The following TSGA13 variants were observed in gnomAD, a reference collection of about 807,000 sequenced individuals.
The protein encoded by TSGA13 is testis-specific gene 13 protein.
A neutral mutation model predicts 35.1 loss-of-function variants in TSGA13; 37 were observed. The ratio of observed to expected loss-of-function variants is 1.05; its 90% CI spans 0.81 to 1.39. The LOEUF is 1.39. Ranked by LOEUF, TSGA13 falls within the 40% of genes most tolerant of loss-of-function variation. The probability of loss-of-function intolerance (pLI) is 0.00; values close to 1 mark genes in which losing one functional copy is unlikely to be tolerated. For missense variants in TSGA13, 338 were observed against 328.5 expected (o/e 1.03, Z -0.22); for synonymous variants, 124 against 121.2 (o/e 1.02, Z -0.15).
In TSGA13 at chr7:130,668,684, A is replaced by G. The variant is rs782172247; in HGVS notation, c.*330T>C. On this transcript the variant is annotated 3_prime_UTR_variant, in exon 8 of 8. Coordinates refer to ENST00000356588, the MANE Select transcript of TSGA13 (RefSeq NM_052933.4). The stretch of plus-strand genomic sequence containing the variant: ...TTTTAATCATCTTGGACGACTTCCC[A>G]GCGCCCAGACCCACCGCAACCGTCC... The G allele has an allele frequency of 8.9e-5, 137 of 1,532,430 alleles. No homozygotes were observed. The highest frequency in any genetic ancestry group is 1.1e-4 in the Non-Finnish European group (126 of 1,141,180). The allele number at this position is 1,532,430 out of a possible 1,614,324, so 94.9% of individuals were successfully genotyped here.
Position 130,680,849 on chromosome 7 carries a change from G to A in TSGA13, c.174+97C>T, listed in dbSNP as rs549360685. 2.7e-6 allele frequency: 3 copies of A among 1,099,998 alleles called. No individual in the cohort carries two copies. In the South Asian group the frequency reaches 4.2e-5, roughly 15 times the overall value. The allele number at this position is 1,099,998 out of a possible 1,614,324, so 68.1% of individuals were successfully genotyped here. On this transcript the variant is annotated intron_variant, in intron 4 of 7. Transcript: ENST00000356588. ...AGAGTACGCACAGTCACAGAAGCTGGGGACACTTGGAGGCATTAGGGACAC... is the reference window on the plus strand; with the variant it reads ...AGAGTACGCACAGTCACAGAAGCTGAGGACACTTGGAGGCATTAGGGACAC...
intron 6 of TSGA13, 134 bp downstream of exon 6, chr7:130,672,600 A>C: frequency 8.3e-7 from 1 of 1,197,646 alleles, no homozygotes; most frequent in South Asian, 1.6e-5. Flanking sequence ...GGTTAGGGTC[A>C]TGTAGGGAAA....
chr7:130,672,799 C>T lies in TSGA13; in HGVS notation c.465G>A (p.Lys155=). ...RMPQKKKLRS[K]LKPIFPLILS... ...GTATCAAAGGGAAGATTGGTTTCAG[C>T]TTAGATCTTAACTTTTTTTTCTGAG... The change falls in exon 6 of 8, where the codon AAG becomes AAA. Residue 155 remains lysine, a synonymous_variant. Coordinates refer to ENST00000356588, the MANE Select transcript of TSGA13 (RefSeq NM_052933.4). 6.2e-7 allele frequency: 1 copy of T among 1,613,840 alleles called. No individual in the cohort carries two copies. The highest frequency in any genetic ancestry group is 8.5e-7 in the Non-Finnish European group (1 of 1,179,746).
chr7:130,679,437 C>T (rs1310167169), intron 4 of TSGA13, 70 bp from the exon 5 acceptor site: 7 of 1,365,128 alleles, frequency 5.1e-6, no homozygotes, highest in Non-Finnish European at 7.1e-6. Context: ...AATCGGTTGG[C>T]TGATACTTAG....
intron 5 of TSGA13, among the ~76,000 whole-genome samples, chr7:130,673,579 G>T (rs1796335183): frequency 6.6e-6 from 1 of 152,082 alleles, no homozygotes; most frequent in African/African-American, 2.4e-5. Context: ...CATTTTGAAG[G>T]AATTCATCAC....
Position 130,685,327 on chromosome 7 carries a change from G to T in TSGA13, c.-117C>A. The T allele has an allele frequency of 1.3e-6, 2 of 1,575,956 alleles. No individual in the cohort carries two copies. Among genetic ancestry groups the T allele is most frequent in the East Asian group, 2.3e-5 (1 of 43,822 alleles). On this transcript the variant is annotated 5_prime_UTR_variant, in exon 2 of 8. Transcript: ENST00000356588. ...ATTCAATCCAAATATTCTTTCCTTA[G>T]CACACAGTGTGTACTCATGCCCCAT...
At chr7:130,677,430 T>C (rs570467487) in intron 5 of TSGA13, among the ~76,000 whole-genome samples, 3 of 150,620 alleles carry the variant, frequency 2.0e-5, no homozygotes, top group African/African-American at 7.4e-5. Context: ...ATTTGCTTTT[T>C]CTTTTTTTTT....
Position 130,672,809 on chromosome 7 carries a change from A to C in TSGA13, c.455T>G (p.Leu152Ter), listed in dbSNP as rs143804038. The C allele has an allele frequency of 1.9e-6, 3 of 1,613,902 alleles. No individual in the cohort carries two copies. The African/African-American group carries it at 4.0e-5, about 22-fold the overall frequency. ...WLPRMPQKKK[L>*]RSKLKPIFPL... ...GAAGATTGGTTTCAGCTTAGATCTT[A>C]ACTTTTTTTTCTGAGGCATGCGGGG... The change falls in exon 6 of 8, where the codon TTA (leucine) becomes TGA (stop). Residue 152 changes from leucine to a stop codon, truncating the protein, a stop_gained. Transcript: ENST00000356588. LOFTEE classifies it high-confidence loss of function.
chr7:130,671,850 A>G, intron 6 of TSGA13, 62 bp from the exon 7 acceptor site: 1 of 1,142,130 alleles, frequency 8.8e-7, no homozygotes, highest in Non-Finnish European at 1.1e-6. Flanking sequence ...GGAACTATTC[A>G]CTTTATTTTA....
chr7:130,670,747 A>T (rs1480774949), intron 7 of TSGA13, among the ~76,000 whole-genome samples: 1 of 152,040 alleles, frequency 6.6e-6, no homozygotes, highest in Non-Finnish European at 1.5e-5. Context: ...AAGCCCCCCA[A>T]GTAGCTCAGA....
intron 5 of TSGA13, among the ~76,000 whole-genome samples, chr7:130,673,611 T>C (rs1554463694): frequency 6.6e-6 from 1 of 152,238 alleles, no homozygotes; most frequent in Non-Finnish European, 1.5e-5. Flanking sequence ...GCTCTGTCTC[T>C]TCCAGGCTAA....
Position 130,669,102 on chromosome 7 carries a change from A to G in TSGA13, c.740T>C (p.Met247Thr), listed in dbSNP as rs1554462401. The change falls in exon 8 of 8, where the codon ATG becomes ACG. Residue 247 changes from methionine (M) to threonine (T), a missense_variant. Physicochemically the swap from Met to Thr is moderately conservative, Grantham distance 81. Coordinates refer to ENST00000356588, the MANE Select transcript of TSGA13 (RefSeq NM_052933.4). ...CTCCCCGGGCGCGGTTCTGGTGGGC[A>G]TGTCTTCCAAGAGCGATGCGAGTGT... ...PLTLASLLED[M>T]PTRTAPGESA... is the part of the protein sequence containing the mutation. The G allele has an allele frequency of 5.6e-6, 9 of 1,614,206 alleles. No homozygotes were observed. The highest frequency in any genetic ancestry group is 2.5e-6 in the Non-Finnish European group (3 of 1,180,024).
chr7:130,679,432 G>A (rs1554464744), intron 4 of TSGA13, 65 bp from the exon 5 acceptor site: 9 of 1,413,524 alleles, frequency 6.4e-6, no homozygotes, highest in Non-Finnish European at 8.7e-6. Flanking sequence ...TAACAAATCG[G>A]TTGGCTGATA....
chr7:130,678,420 C>T (rs573370894), intron 5 of TSGA13, among the ~76,000 whole-genome samples: 6 of 152,208 alleles, frequency 3.9e-5, no homozygotes, highest in African/African-American at 1.4e-4. Context: ...TGGCAAATTC[C>T]GTCTTCTGAA....
intron 4 of TSGA13, among the ~76,000 whole-genome samples, chr7:130,680,492 C>T (rs553390942): frequency 3.5e-5 from 5 of 142,964 alleles, no homozygotes; most frequent in African/African-American, 7.7e-5. Context: ...GGCAACAGAG[C>T]GAGACTCCAT....
rs139485288 is a variant in TSGA13, at chr7:130,683,662, C to T, written c.34G>A (p.Gly12Ser). The part of the protein sequence containing the change: ...SQKRQTKFQN[G>S]KSKTSENSSA... ...CTATTTTCTGAAGTCTTTGATTTGC[C>T]ATTTTGAAACCTGAAAAAGAGGCAG... Residue 12 changes from glycine (G) to serine (S), a missense_variant, in exon 3 of 8, where the codon GGC (glycine) becomes AGC (serine). Transcript: ENST00000356588. The T allele has an allele frequency of 9.4e-5, 151 of 1,613,688 alleles. No homozygotes were observed. The African/African-American group carries it at 1.7e-3, about 19-fold the overall frequency.
chr7:130,683,839 C>T (rs1796601471), intron 2 of TSGA13, among the ~76,000 whole-genome samples, 167 bp from the exon 3 acceptor site: 1 of 152,146 alleles, frequency 6.6e-6, no homozygotes, highest in Admixed American at 6.5e-5. Context: ...ACTCATTATC[C>T]AGCCTGCATG....
At chr7:130,678,492 C>G (rs1754013546) in intron 5 of TSGA13, among the ~76,000 whole-genome samples, 1 of 152,136 alleles carries the variant, frequency 6.6e-6, no homozygotes, top group African/African-American at 2.4e-5. Flanking sequence ...GATATTCATC[C>G]CTGTTTTTAT....
At chr7:130,680,819 T>C (rs961357536) in intron 4 of TSGA13, 127 bp downstream of exon 4, 1 of 854,758 alleles carries the variant, frequency 1.2e-6, no homozygotes, top group African/African-American at 1.7e-5. Flanking sequence ...TGCCTGCCTG[T>C]CCTAAGAGTA....
Sources: allele counts gnomAD v4.1 joint callset (sites outside exome capture counted in the v4.1 genomes callset), GRCh38; gene constraint gnomAD v4.1.1; transcripts MANE v1.5; gene names NCBI Gene and HGNC (gene_info 2026-07-23, HGNC 2026-07-21).